PTPRZ1: variants seen among roughly 807,000 people sequenced by gnomAD.
PTPRZ1 encodes the protein receptor-type tyrosine-protein phosphatase zeta.
In PTPRZ1, 82 loss-of-function variants were observed where a neutral mutation model predicts 214.1. That is an observed-to-expected ratio of 0.38 (90% CI 0.32 to 0.46). The LOEUF (loss-of-function observed/expected upper bound fraction) is 0.46. PTPRZ1 is among the 20% of genes least tolerant of loss of function. The probability of loss-of-function intolerance (pLI) is 1.00; values close to 1 mark genes in which losing one functional copy is unlikely to be tolerated. For missense variants in PTPRZ1, 2,603 were observed against 2,748.7 expected (o/e 0.95, Z 1.19); for synonymous variants, 945 against 987.9 (o/e 0.96, Z 0.81).
At chr7:122,040,775 TGTGTGTG>T (rs869156997) in intron 20 of PTPRZ1, 34 bp from the exon 21 acceptor site, 1 of 1,140,452 alleles carries the variant, frequency 8.8e-7, no homozygotes, top group Non-Finnish European at 1.2e-6. Context: ...TGTGTGTGTG[TGTGTGTG>T]TTTGACTGTT....
At position 122,012,561 on chromosome 7, in the gene PTPRZ1, C is replaced by A; in HGVS notation, c.3515C>A (p.Thr1172Asn). The change falls in exon 12 of 30, where the codon ACC (threonine) becomes AAC (asparagine). Residue 1172 changes from threonine (T) to asparagine (N), a missense_variant. Around this residue, in one of 6 missense-constraint regions of PTPRZ1, gnomAD observed 1,913 missense variants for 1,914.3 expected, o/e 1.00. Coordinates refer to ENST00000393386, the MANE Select transcript of PTPRZ1 (RefSeq NM_002851.3). ...SPSTQLLFYE[T>N]SASFSTEVLL... ...TCAACTCAGCTCTTATTTTATGAGACCTCAGCTTCTTTTAGTACTGAAGTA... is the reference window on the plus strand; with the variant it reads ...TCAACTCAGCTCTTATTTTATGAGAACTCAGCTTCTTTTAGTACTGAAGTA... 1.2e-6 allele frequency: 2 copies of A among 1,613,842 alleles called. No individual in the cohort carries two copies. Among genetic ancestry groups the A allele is most frequent in the South Asian group, 1.1e-5 (1 of 91,076 alleles).
Position 121,989,461 on chromosome 7 carries a change from G to A in PTPRZ1, c.928+5344G>A, listed in dbSNP as rs147648874. ...ACGATATCGGCTCACCGCAACCTCC[G>A]CCTCCTGGGTTCGAGTGATTCTCCT... On this transcript the variant is annotated intron_variant, in intron 8 of 29. Coordinates refer to ENST00000393386, the MANE Select transcript of PTPRZ1 (RefSeq NM_002851.3). Among the ~76,000 whole-genome samples, 1,261 of 143,828 alleles carry A rather than the reference G, an allele frequency of 8.8e-3. 19 individuals are homozygous for A. Among genetic ancestry groups the A allele is most frequent in the African/African-American group, 0.03 (1,186 of 38,988 alleles). The allele number at this position is 143,828 out of a possible 152,430, so 94.4% of individuals were successfully genotyped here. A position where few individuals can be genotyped will look rare whatever the true frequency, so the allele number is the denominator to read the frequency against.
rs935769022 is a variant in PTPRZ1, at chr7:121,928,077, G to A, written c.59-79G>A. 38 of 981,920 alleles carry A rather than the reference G, an allele frequency of 3.9e-5. No homozygotes were observed. In the African/African-American group the frequency reaches 5.0e-4, roughly 13 times the overall value. The allele number at this position is 981,920 out of a possible 1,614,324, so 60.8% of individuals were successfully genotyped here. On this transcript the variant is annotated intron_variant, in intron 1 of 29. Transcript: ENST00000393386. Reference sequence around the variant, plus strand: ...AAGGAGTAATCAAGAACTATTTATGGTATGAATAATTTGGGCATCTTTTAT... The same window carrying A: ...AAGGAGTAATCAAGAACTATTTATGATATGAATAATTTGGGCATCTTTTAT...
intron 1 of PTPRZ1, among the ~76,000 whole-genome samples, chr7:121,923,658 A>AT (rs1031951979): frequency 6.0e-5 from 9 of 150,940 alleles, no homozygotes; most frequent in Non-Finnish European, 1.0e-4. Flanking sequence ...ATTTATAATG[A>AT]TTTTTTTTAG....
Position 122,059,824 on chromosome 7 carries a change from C to A in PTPRZ1, c.6743C>A (p.Ser2248Tyr), listed in dbSNP as rs755654824. 1 of 1,613,476 alleles carries A rather than the reference C, an allele frequency of 6.2e-7. No individual in the cohort carries two copies. The highest frequency in any genetic ancestry group is 2.2e-5 in the East Asian group (1 of 44,822). Residue 2248 changes from serine to tyrosine, a missense_variant, in exon 29 of 30, where the codon TCC becomes TAC. Physicochemically the swap from Ser to Tyr is moderately radical, Grantham distance 144. This residue lies in a region of PTPRZ1 where 165 missense variants were observed against 151.4 expected (regional missense o/e 1.09). Coordinates refer to ENST00000393386, the MANE Select transcript of PTPRZ1 (RefSeq NM_002851.3). ...TLMHQLEKEN[S>Y]VDVYQVAKMI... ...ATGCACCAACTAGAAAAAGAAAATT[C>A]CGTGGATGTTTACCAGGTAGCCAAG...
chr7:121,963,117 A>G (rs1242469561), intron 2 of PTPRZ1, among the ~76,000 whole-genome samples: 1 of 152,224 alleles, frequency 6.6e-6, no homozygotes, highest in Non-Finnish European at 1.5e-5. Context: ...CAAGGTACTA[A>G]GTACTATTGT....
At chr7:121,892,679 C>CACATATAT (rs1794671727) in intron 1 of PTPRZ1, among the ~76,000 whole-genome samples, 2 of 98,234 alleles carry the variant, frequency 2.0e-5, no homozygotes, top group African/African-American at 3.4e-5. Flanking sequence ...TCAAGCATCT[C>CACATATAT]ATATATATAT....
At position 122,040,944 on chromosome 7, in the gene PTPRZ1, G is replaced by A. The variant is rs752656232; in HGVS notation, c.5766G>A (p.Lys1922=). The change falls in exon 21 of 30, where the codon AAG becomes AAA. Residue 1922 remains lysine, a synonymous_variant. Transcript: ENST00000393386. ...TTGTGAGAAAGGCAGCCTATGCCAA[G>A]CGCCATGCAGTGGGGCCTGTTGTCG... ...LTFVRKAAYA[K]RHAVGPVVVH... is the part of the protein sequence containing the mutation. 9.4e-6 allele frequency: 15 copies of A among 1,591,070 alleles called. No homozygotes were observed. The highest frequency in any genetic ancestry group is 1.3e-5 in the Non-Finnish European group (15 of 1,163,310).
At chr7:122,032,321 T>C (rs1799403891) in intron 15 of PTPRZ1, among the ~76,000 whole-genome samples, 1 of 152,250 alleles carries the variant, frequency 6.6e-6, no homozygotes, top group African/African-American at 2.4e-5. Flanking sequence ...CTTGTTATTA[T>C]TTCTATTCAT....
intron 22 of PTPRZ1, among the ~76,000 whole-genome samples, chr7:122,043,349 A>T (rs950601892): frequency 4.6e-5 from 7 of 152,186 alleles, no homozygotes; most frequent in Non-Finnish European, 1.0e-4. Flanking sequence ...TGGTCCACAC[A>T]CATCCTTGCT....
chr7:121,965,846 T>G (rs568747953), intron 2 of PTPRZ1, among the ~76,000 whole-genome samples: 10 of 152,332 alleles, frequency 6.6e-5, no homozygotes, highest in African/African-American at 2.4e-4. Context: ...AAGCCAGTGT[T>G]TCCCCAAGTT....
intron 10 of PTPRZ1, among the ~76,000 whole-genome samples, chr7:122,002,606 A>G (rs1267538536): frequency 1.3e-5 from 2 of 152,236 alleles, no homozygotes; most frequent in African/African-American, 4.8e-5. Flanking sequence ...ATTAAAGAAA[A>G]AGGGAAATAA....
intron 1 of PTPRZ1, among the ~76,000 whole-genome samples, chr7:121,915,414 G>T (rs1795397145): frequency 6.6e-6 from 1 of 152,134 alleles, no homozygotes; most frequent in South Asian, 2.1e-4. Context: ...AATAGTATGT[G>T]AAGCAAGACA....
At chr7:121,958,553 A>C (rs1449303635) in intron 2 of PTPRZ1, among the ~76,000 whole-genome samples, 1 of 152,170 alleles carries the variant, frequency 6.6e-6, no homozygotes, top group Non-Finnish European at 1.5e-5. Flanking sequence ...AATGTATGCT[A>C]TCTGTACACT....
chr7:121,988,913 C>T (rs1016646396), intron 8 of PTPRZ1, among the ~76,000 whole-genome samples: 14 of 152,036 alleles, frequency 9.2e-5, no homozygotes, highest in African/African-American at 3.4e-4. Context: ...CATGTGTGTA[C>T]AGTTCATGTT....
rs748101868 is a variant in PTPRZ1 at position 122,059,769 on chromosome 7, G to T, written c.6688G>T (p.Ala2230Ser). 3 of 1,611,556 alleles carry T rather than the reference G, an allele frequency of 1.9e-6. No individual in the cohort carries two copies. In the East Asian group the frequency reaches 6.7e-5, roughly 36 times the overall value. Residue 2230 changes from alanine (A) to serine (S), a missense_variant, in exon 29 of 30, where the codon GCA becomes TCA. Coordinates refer to ENST00000393386, the MANE Select transcript of PTPRZ1 (RefSeq NM_002851.3). ...TTTTACAAGGCATGGAGGAGTGACG[G>T]CAGGAACTTTCTGTGCTCTGACAAC... ...IVHDEHGGVT[A>S]GTFCALTTLM...
intron 2 of PTPRZ1, among the ~76,000 whole-genome samples, chr7:121,930,585 CACTG>C (rs1795891147): frequency 6.6e-6 from 1 of 152,036 alleles, no homozygotes; most frequent in South Asian, 2.1e-4. Context: ...TTTTCACTAA[CACTG>C]ACTCTAAAAA....
rs181949254 is a variant in PTPRZ1 at position 121,902,014 on chromosome 7, C to T, written c.59-26142C>T. 5.2e-4 allele frequency among the ~76,000 whole-genome samples: 79 copies of T among 152,236 alleles called. 1 individual carries two copies. Among genetic ancestry groups the T allele is most frequent in the Non-Finnish European group, 1.0e-4 (7 of 67,994 alleles). On this transcript the variant is annotated intron_variant, in intron 1 of 29. Transcript: ENST00000393386. Reference sequence around the variant, plus strand: ...AATCCCTCTCCATTCCCGACTGTCCCCGCTACTCTCACCAGCAGGTAGTCA... The same window carrying T: ...AATCCCTCTCCATTCCCGACTGTCCTCGCTACTCTCACCAGCAGGTAGTCA...
intron 12 of PTPRZ1, among the ~76,000 whole-genome samples, chr7:122,016,579 C>A (rs890342417): frequency 6.6e-6 from 1 of 151,882 alleles, no homozygotes; most frequent in African/African-American, 2.4e-5. Flanking sequence ...TCCCAGAGCA[C>A]TTTTGAGAAA....
Sources: gnomAD v4.1 joint callset for allele counts (sites outside exome capture counted in the v4.1 genomes callset) on GRCh38, gnomAD v4.1.1 for gene constraint, gnomAD v4.1.1 regional missense constraint, MANE v1.5 for transcripts, NCBI Gene and HGNC (gene_info 2026-07-23, HGNC 2026-07-21) for gene names.